SAMD7: variants seen among roughly 807,000 people sequenced by gnomAD.
The protein encoded by SAMD7 is sterile alpha motif domain containing 7.
SAMD7 carries 34 observed loss-of-function variants against 36.7 expected under a neutral mutation model. The ratio of observed to expected loss-of-function variants is 0.93; its 90% CI spans 0.71 to 1.23. SAMD7 has a LOEUF of 1.23. SAMD7 is among the 50% of genes most tolerant of loss of function. SAMD7 has a pLI of 0.00. For missense variants in SAMD7, 570 were observed against 546.6 expected (o/e 1.04, Z -0.43); for synonymous variants, 188 against 189.7 (o/e 0.99, Z 0.07).
chr3:169,930,017 C>T (rs958471883), intron 7 of SAMD7, among the ~76,000 whole-genome samples: 6 of 152,108 alleles, frequency 3.9e-5, no homozygotes, highest in South Asian at 2.1e-4. Flanking sequence ...GAAGAGCAAC[C>T]CTTATTTAAT....
At chr3:169,916,025 C>A (rs1478598904) in intron 2 of SAMD7, among the ~76,000 whole-genome samples, 1 of 147,592 alleles carries the variant, frequency 6.8e-6, no homozygotes, top group East Asian at 2.0e-4. Context: ...ATAGCCAACA[C>A]TTCCTAAAGT....
chr3:169,932,982 C>T lies in SAMD7; in HGVS notation c.1042-3357C>T, dbSNP rs1445270397. Reference sequence around the variant, plus strand: ...TTGCTGGATGAAAGAAGCATTCTTTCCCCCCCTCTATCAGTGTGGCATCAC... The same window carrying T: ...TTGCTGGATGAAAGAAGCATTCTTTTCCCCCCTCTATCAGTGTGGCATCAC... On this transcript the variant is annotated intron_variant, in intron 7 of 8. Coordinates refer to ENST00000335556, the MANE Select transcript of SAMD7 (RefSeq NM_001304366.2). 7.1e-6 allele frequency: 5 copies of T among 708,672 alleles called. No homozygotes were observed. In the Admixed American group the frequency reaches 9.1e-5, roughly 13 times the overall value. The allele number at this position is 708,672 out of a possible 1,614,324, so 43.9% of individuals were successfully genotyped here. A position where few individuals can be genotyped will look rare whatever the true frequency, so the allele number is the denominator to read the frequency against.
chr3:169,926,348 T>C (rs1294855131), intron 5 of SAMD7: 15 of 1,284,862 alleles, frequency 1.2e-5, no homozygotes, highest in Non-Finnish European at 1.6e-5. Flanking sequence ...AGACTGGCCT[T>C]TGGACTTCCA....
intron 1 of SAMD7, among the ~76,000 whole-genome samples, chr3:169,914,978 A>T (rs905434448): frequency 6.6e-6 from 1 of 152,134 alleles, no homozygotes; most frequent in East Asian, 1.9e-4. Flanking sequence ...TTCTGAATTC[A>T]CCTGCAACCA....
rs749727475 is a variant in SAMD7, at chr3:169,919,495, G to A, written c.-4G>A. 2.4e-5 allele frequency: 39 copies of A among 1,613,298 alleles called. No homozygotes were observed. The highest frequency in any genetic ancestry group is 1.3e-4 in the Admixed American group (8 of 59,978). On this transcript the variant is annotated 5_prime_UTR_variant, in exon 3 of 9. Transcript: ENST00000335556. The stretch of plus-strand genomic sequence containing the variant: ...GGCGAGAGATATTGAAGACAAACCC[G>A]GTGATGGCTGTGAACCCTTTATTGA...
At chr3:169,937,608 A>G (rs1329468357) in intron 8 of SAMD7, among the ~76,000 whole-genome samples, 1 of 152,166 alleles carries the variant, frequency 6.6e-6, no homozygotes, top group Non-Finnish European at 1.5e-5. Flanking sequence ...TTATGGCTGC[A>G]TAGTATTCCA....
chr3:169,930,578 C>CTTTTTTTTTTT (rs772549629), intron 7 of SAMD7, among the ~76,000 whole-genome samples: 2 of 101,722 alleles, frequency 2.0e-5, no homozygotes, highest in African/African-American at 8.2e-5. Context: ...CCTTTCTTTT[C>CTTTTTTTTTTT]TTTTTTTTTT....
At chr3:169,919,107 T>C (rs1371679154) in intron 2 of SAMD7, among the ~76,000 whole-genome samples, 1 of 152,014 alleles carries the variant, frequency 6.6e-6, no homozygotes, top group Non-Finnish European at 1.5e-5. Context: ...GATTGCACCA[T>C]TGCACTCCAG....
intron 2 of SAMD7, among the ~76,000 whole-genome samples, chr3:169,915,678 G>A: frequency 7.1e-6 from 1 of 140,700 alleles, no homozygotes. Flanking sequence ...TCTGCCTCCT[G>A]AGTTCAAGCA....
At chr3:169,936,777 C>T (rs1317697654) in intron 8 of SAMD7, among the ~76,000 whole-genome samples, 1 of 152,078 alleles carries the variant, frequency 6.6e-6, no homozygotes, top group Non-Finnish European at 1.5e-5. Context: ...TGAGAAACTC[C>T]TAATGTCACT....
At chr3:169,933,226 C>T in intron 7 of SAMD7, 1 of 586,938 alleles carries the variant, frequency 1.7e-6, no homozygotes, top group Non-Finnish European at 3.2e-6. Flanking sequence ...TGCCTTTCTC[C>T]CACTTGTAAC....
intron 4 of SAMD7, among the ~76,000 whole-genome samples, chr3:169,922,427 A>G (rs1713080709): frequency 6.6e-6 from 1 of 152,224 alleles, no homozygotes; most frequent in South Asian, 2.1e-4. Flanking sequence ...TGGAGGCCAC[A>G]GGAAGAAAGT....
rs1333668089 is a variant in SAMD7 at position 169,928,463 on chromosome 3, A to G, written c.926A>G (p.His309Arg). ...PVPRPSLPGT[H>R]ALVTIGGNLS... ...ATTTCTTTCCATTTTAAAGGAACAC[A>G]TGCACTGGTTACAATTGGGGGGAAT... is the stretch of plus-strand genomic sequence containing the variant. Residue 309 changes from histidine to arginine, a missense_variant, in exon 7 of 9, where the codon CAT (histidine) becomes CGT (arginine). His to Arg is a conservative substitution (Grantham distance 29, BLOSUM62 0). Transcript: ENST00000335556. 4 of 1,611,702 alleles carry G rather than the reference A, an allele frequency of 2.5e-6. No individual in the cohort carries two copies. Among genetic ancestry groups the G allele is most frequent in the South Asian group, 2.2e-5 (2 of 91,034 alleles).
At chr3:169,926,400 T>A in intron 5 of SAMD7, 153 bp from the exon 6 acceptor site, 1 of 1,150,358 alleles carries the variant, frequency 8.7e-7, no homozygotes, top group Non-Finnish European at 1.2e-6. Flanking sequence ...CTCAAAACTC[T>A]CCTTCCCAGT....
chr3:169,936,226 G>T, intron 7 of SAMD7, 113 bp from the exon 8 acceptor site: 10 of 639,390 alleles, frequency 1.6e-5, no homozygotes, highest in Non-Finnish European at 1.9e-5. Flanking sequence ...AAATTTTTTT[G>T]TCATCCTCAA....
At chr3:169,916,583 G>A (rs139631478) in intron 2 of SAMD7, among the ~76,000 whole-genome samples, 2 of 152,192 alleles carry the variant, frequency 1.3e-5, no homozygotes, top group Admixed American at 6.5e-5. Flanking sequence ...GGGCGACAGA[G>A]GTTGCAGTGA....
intron 7 of SAMD7, among the ~76,000 whole-genome samples, chr3:169,928,978 T>A (rs1434386846): frequency 6.6e-6 from 1 of 152,246 alleles, no homozygotes; most frequent in African/African-American, 2.4e-5. Context: ...TTACTCACTG[T>A]AAGTAACAGG....
intron 7 of SAMD7, among the ~76,000 whole-genome samples, 156 bp downstream of exon 7, chr3:169,928,734 TG>T (rs1415560722): frequency 6.6e-6 from 1 of 152,222 alleles, no homozygotes; most frequent in East Asian, 1.9e-4. Flanking sequence ...GGTCTCTGAT[TG>T]GTGGAACTTG....
At chr3:169,915,853 CAG>C (rs1265564562) in intron 2 of SAMD7, among the ~76,000 whole-genome samples, 16 of 152,066 alleles carry the variant, frequency 1.1e-4, no homozygotes, top group Admixed American at 1.0e-3. Flanking sequence ...GCTGGGATTA[CAG>C]GCGTGAGCCA....
Sources: allele counts gnomAD v4.1 joint callset (sites outside exome capture counted in the v4.1 genomes callset), GRCh38; gene constraint gnomAD v4.1.1; transcripts MANE v1.5; gene names NCBI Gene and HGNC (gene_info 2026-07-23, HGNC 2026-07-21).